The following ST7 variants were observed in gnomAD, a reference collection of about 807,000 sequenced individuals.
ST7 encodes suppressor of tumorigenicity 7 protein.
A neutral mutation model predicts 78.7 loss-of-function variants in ST7; 28 were observed. That is an observed-to-expected ratio of 0.36 (90% confidence interval 0.26 to 0.49). The LOEUF (loss-of-function observed/expected upper bound fraction) is 0.49. ST7 is among the 20% of genes least tolerant of loss of function. The probability of loss-of-function intolerance (pLI) is 0.99; values close to 1 mark genes in which losing one functional copy is unlikely to be tolerated. For missense variants in ST7, 418 were observed against 696.0 expected, an observed-to-expected ratio of 0.60 and a Z score of 4.49; for synonymous variants, 247 against 249.6, an observed-to-expected ratio of 0.99 and a Z score of 0.10.
chr7:116,993,295 C>T (rs1794506304), intron 1 of ST7, among the ~76,000 whole-genome samples: 1 of 152,190 alleles, frequency 6.6e-6, no homozygotes, highest in Non-Finnish European at 1.5e-5. Flanking sequence ...CTTACAATTC[C>T]ACATGGCTGG....
At chr7:117,167,256 G>A (rs950354505) in intron 9 of ST7, among the ~76,000 whole-genome samples, 5 of 127,984 alleles carry the variant, frequency 3.9e-5, no homozygotes, top group Non-Finnish European at 6.3e-5. Context: ...AGAGTGTGAT[G>A]TTCCCCTTCC....
chr7:117,092,257 C>T (rs71564581), intron 1 of ST7, among the ~76,000 whole-genome samples: 2 of 116,332 alleles, frequency 1.7e-5, no homozygotes, highest in Non-Finnish European at 3.2e-5. Flanking sequence ...CCATCCTGGG[C>T]GACAGAGTGA....
intron 9 of ST7, chr7:117,145,513 C>CT (rs1805699197): frequency 6.6e-6 from 1 of 152,226 alleles, no homozygotes; most frequent in African/African-American, 2.4e-5. Flanking sequence ...CTAGCAATCT[C>CT]TGACATTCCC....
At chr7:117,181,064 G>GT (rs1230182210) in intron 10 of ST7, among the ~76,000 whole-genome samples, 1 of 152,072 alleles carries the variant, frequency 6.6e-6, no homozygotes, top group African/African-American at 2.4e-5. Flanking sequence ...GATACAGAGA[G>GT]TTTTTTTAAA....
intron 9 of ST7, among the ~76,000 whole-genome samples, chr7:117,165,554 C>G (rs1270984959): frequency 6.6e-6 from 1 of 152,114 alleles, no homozygotes; most frequent in Admixed American, 6.5e-5. Flanking sequence ...AATTTAAAGC[C>G]TTTAAAAAGT....
At chr7:116,989,383 C>T (rs1358173390) in intron 1 of ST7, among the ~76,000 whole-genome samples, 1 of 152,188 alleles carries the variant, frequency 6.6e-6, no homozygotes, top group Non-Finnish European at 1.5e-5. Context: ...AGGTAATAGC[C>T]TGTCAATCTT....
Position 117,093,841 on chromosome 7 carries a change from TACTTTTA to T in ST7, c.152-5919_152-5913del, listed in dbSNP as rs553145973. ...TGTGACAACTATGCAAGATAGGTAT[TACTTTTA>T]AAATTTTATAGACAATGAAACAATC... is the stretch of plus-strand genomic sequence containing the variant. On this transcript the variant is annotated intron_variant, in intron 1 of 15. Transcript: ENST00000323984. Among the ~76,000 whole-genome samples, 204 of 152,370 alleles carry T rather than the reference TACTTTTA, an allele frequency of 1.3e-3. 2 individuals are homozygous for T. The Middle Eastern group carries it at 0.014, about 10-fold the overall frequency.
chr7:116,992,335 A>G (rs1414633896), intron 1 of ST7, among the ~76,000 whole-genome samples: 2 of 152,194 alleles, frequency 1.3e-5, no homozygotes, highest in East Asian at 1.9e-4. Context: ...AGGCATCTCC[A>G]TACGTCTTCT....
At chr7:117,169,804 CTT>C (rs757197865) in intron 9 of ST7, among the ~76,000 whole-genome samples, 2 of 131,536 alleles carry the variant, frequency 1.5e-5, no homozygotes. Flanking sequence ...CTTAGCAATC[CTT>C]TTTTTTTTTT....
chr7:116,961,555 C>CGTGTGTGTGTGTGTGTGT (rs35640208), intron 1 of ST7, among the ~76,000 whole-genome samples: 29 of 138,520 alleles, frequency 2.1e-4, no homozygotes, highest in African/African-American at 7.8e-4. Context: ...TGTATTCCTA[C>CGTGTGTGTGTGTGTGTGT]GTGTGTGTGT....
intron 9 of ST7, among the ~76,000 whole-genome samples, chr7:117,161,900 C>G (rs1287577732): frequency 6.6e-6 from 1 of 152,006 alleles, no homozygotes; most frequent in Admixed American, 6.6e-5. Flanking sequence ...ACACCTGGCC[C>G]TCATTTTCTT....
At chr7:117,080,299 G>A (rs1767660041) in intron 1 of ST7, among the ~76,000 whole-genome samples, 1 of 151,934 alleles carries the variant, frequency 6.6e-6, no homozygotes, top group East Asian at 1.9e-4. Flanking sequence ...GATAGCTAAC[G>A]TATCATCTAT....
intron 10 of ST7, among the ~76,000 whole-genome samples, chr7:117,187,951 C>A (rs1477127788): frequency 1.3e-5 from 2 of 152,122 alleles, no homozygotes; most frequent in African/African-American, 4.8e-5. Flanking sequence ...GAGTGTCTGG[C>A]ATTTTTTTCT....
At chr7:117,223,098 T>C (rs1793215753) in intron 15 of ST7, 4 of 705,098 alleles carry the variant, frequency 5.7e-6, no homozygotes, top group South Asian at 4.8e-5. Flanking sequence ...CTCTTCCCTC[T>C]CTCACTCCCC....
At chr7:117,065,505 G>A (rs1297786704) in intron 1 of ST7, among the ~76,000 whole-genome samples, 2 of 152,118 alleles carry the variant, frequency 1.3e-5, no homozygotes, top group Non-Finnish European at 2.9e-5. Flanking sequence ...CACTGCGCCC[G>A]GCCTGAAGTC....
At chr7:117,189,479 T>A in intron 11 of ST7, 86 bp downstream of exon 11, 4 of 1,072,780 alleles carry the variant, frequency 3.7e-6, no homozygotes, top group South Asian at 1.8e-5. Flanking sequence ...GAAGTTTCTC[T>A]TAGGCTATGA....
At chr7:117,171,736 C>T (rs1808006495) in intron 10 of ST7, among the ~76,000 whole-genome samples, 3 of 152,072 alleles carry the variant, frequency 2.0e-5, no homozygotes, top group Admixed American at 1.3e-4. Context: ...GAAATATCTG[C>T]AGAGCTTCAT....
At chr7:117,056,981 C>T (rs980606892) in intron 1 of ST7, among the ~76,000 whole-genome samples, 1 of 152,086 alleles carries the variant, frequency 6.6e-6, no homozygotes. Flanking sequence ...ATTGAAGGGT[C>T]CTAGCTCTGA....
At chr7:117,099,627 A>T in intron 1 of ST7, 135 bp from the exon 2 acceptor site, 1 of 619,504 alleles carries the variant, frequency 1.6e-6, no homozygotes, top group South Asian at 2.1e-5. Context: ...TTTTAATGGG[A>T]TCTTACTATG....
Sources: gnomAD v4.1 joint callset for allele counts (sites outside exome capture counted in the v4.1 genomes callset) on GRCh38, gnomAD v4.1.1 for gene constraint, MANE v1.5 for transcripts, NCBI Gene and HGNC (gene_info 2026-07-23, HGNC 2026-07-21) for gene names.